The following DCBLD2 variants were observed in gnomAD, a reference collection of about 807,000 sequenced individuals.
DCBLD2 encodes discoidin, CUB and LCCL domain containing 2.
A neutral mutation model predicts 86.8 loss-of-function variants in DCBLD2; 54 were observed. That is an observed-to-expected ratio of 0.62 (90% CI 0.50 to 0.78). DCBLD2 has a LOEUF of 0.78. DCBLD2 is among the 30% of genes least tolerant of loss of function. DCBLD2 has a pLI of 0.00. For synonymous variants in DCBLD2, 354 were observed against 341.3 expected, an observed-to-expected ratio of 1.04 and a Z score of -0.41; for missense variants, 908 against 954.2, an observed-to-expected ratio of 0.95 and a Z score of 0.64.
At chr3:98,799,899 T>C in intron 15 of DCBLD2, 58 bp from the exon 16 acceptor site, 1 of 1,415,118 alleles carries the variant, frequency 7.1e-7, no homozygotes, top group Non-Finnish European at 9.5e-7. Flanking sequence ...ATTGCATAAT[T>C]TAGGGTGGCA....
At chr3:98,899,449 A>G (rs1943810732) in intron 1 of DCBLD2, among the ~76,000 whole-genome samples, 2 of 151,814 alleles carry the variant, frequency 1.3e-5, no homozygotes, top group South Asian at 4.2e-4. Context: ...ACGGGGTTTC[A>G]CCATGTTGGT....
chr3:98,799,424 AC>A lies in DCBLD2; in HGVS notation c.2275del (p.Val759TyrfsTer29), dbSNP rs1175978321. 1.2e-6 allele frequency: 2 copies of A among 1,613,876 alleles called. No homozygotes were observed. The highest frequency in any genetic ancestry group is 1.7e-6 in the Non-Finnish European group (2 of 1,179,850). ...TTCCCCATCCCTTCCTGCTCCTGAT[AC>A]TTCTTGTGTGCTCTGTGGCACCTGG... The part of the protein sequence containing the change: ...VYQVPQSTQE[V>X]SGAGRDGECD... On this transcript the variant is annotated frameshift_variant, in exon 16 of 16. Transcript: ENST00000326840. LOFTEE classifies it high-confidence loss of function.
chr3:98,847,566 A>G (rs1321402683), intron 3 of DCBLD2, among the ~76,000 whole-genome samples: 1 of 152,158 alleles, frequency 6.6e-6, no homozygotes, highest in Non-Finnish European at 1.5e-5. Flanking sequence ...ATCACTTTCT[A>G]TATGAAACTT....
intron 2 of DCBLD2, among the ~76,000 whole-genome samples, chr3:98,862,618 C>A (rs1251238790): frequency 6.6e-6 from 1 of 152,156 alleles, no homozygotes; most frequent in African/African-American, 2.4e-5. Context: ...CATACAAAAA[C>A]CACATTGATT....
At chr3:98,849,395 A>G in intron 3 of DCBLD2, 66 bp downstream of exon 3, 1 of 1,603,212 alleles carries the variant, frequency 6.2e-7, no homozygotes, top group Non-Finnish European at 8.5e-7. Flanking sequence ...GTACTTAAAA[A>G]AAGCATTTTA....
intron 3 of DCBLD2, among the ~76,000 whole-genome samples, chr3:98,847,440 C>G (rs1383049146): frequency 6.6e-6 from 1 of 152,170 alleles, no homozygotes; most frequent in Non-Finnish European, 1.5e-5. Flanking sequence ...TTATTTCATC[C>G]AAATGAATTT....
At chr3:98,803,353 A>G (rs900587153) in intron 13 of DCBLD2, among the ~76,000 whole-genome samples, 5 of 151,726 alleles carry the variant, frequency 3.3e-5, no homozygotes, top group Non-Finnish European at 5.9e-5. Context: ...TCTGTCTGTT[A>G]TTGGTGTATA....
intron 3 of DCBLD2, 113 bp from the exon 4 acceptor site, chr3:98,825,479 T>C (rs115286465): frequency 1.3e-6 from 1 of 765,568 alleles, no homozygotes; most frequent in Admixed American, 3.8e-5. Flanking sequence ...AAAATCTCAA[T>C]GGCACTGTCA....
chr3:98,811,290 G>A lies in DCBLD2; in HGVS notation c.1480C>T (p.Gln494Ter). The change falls in exon 12 of 16, where the codon CAA becomes TAA. Residue 494 changes from glutamine (Q) to a stop codon, truncating the protein, a stop_gained. Transcript: ENST00000326840. LOFTEE classifies it high-confidence loss of function. ...GRAPKFTQPLQPRSSNEFPAQ... is the reference protein window; with the variant it reads ...GRAPKFTQPL Reference sequence around the variant, plus strand: ...GGAAATTCATTGCTACTGCGAGGTTGTAGTGGTTGCGTAAATTTTGGGGCA... The same window carrying A: ...GGAAATTCATTGCTACTGCGAGGTTATAGTGGTTGCGTAAATTTTGGGGCA... The A allele has an allele frequency of 6.2e-7, 1 of 1,612,564 alleles. No individual in the cohort carries two copies. Among genetic ancestry groups the A allele is most frequent in the Non-Finnish European group, 8.5e-7 (1 of 1,179,388 alleles).
chr3:98,865,702 TTC>T (rs777195112), intron 2 of DCBLD2, among the ~76,000 whole-genome samples: 38 of 151,216 alleles, frequency 2.5e-4, no homozygotes, highest in African/African-American at 5.1e-4. Flanking sequence ...ATATACAATT[TTC>T]TTTTTTTATA....
chr3:98,901,405 G>C lies in DCBLD2; in HGVS notation c.-79C>G, dbSNP rs949097769. On this transcript the variant is annotated 5_prime_UTR_variant, in exon 1 of 16. Transcript: ENST00000326840. ...GCCTCTGGCCGCGGCACCCGACCAG[G>C]AGACGGCGGCAGCGGCGGGAGAACA... 24 of 1,243,992 alleles carry C rather than the reference G, an allele frequency of 1.9e-5. No individual in the cohort carries two copies. In the African/African-American group the frequency reaches 3.3e-4, roughly 17 times the overall value. The allele number at this position is 1,243,992 out of a possible 1,614,324, so 77.1% of individuals were successfully genotyped here. A position where few individuals can be genotyped will look rare whatever the true frequency, so the allele number is the denominator to read the frequency against.
intron 13 of DCBLD2, among the ~76,000 whole-genome samples, chr3:98,804,123 A>T (rs1353291083): frequency 2.0e-5 from 3 of 152,220 alleles, no homozygotes; most frequent in Non-Finnish European, 4.4e-5. Flanking sequence ...AAAGAATGGT[A>T]CCAGCTCCTC....
intron 2 of DCBLD2, among the ~76,000 whole-genome samples, chr3:98,856,955 T>C (rs1296311732): frequency 6.6e-6 from 1 of 152,210 alleles, no homozygotes; most frequent in African/African-American, 2.4e-5. Flanking sequence ...TATAAGTGTG[T>C]CCAGAATTGG....
At chr3:98,813,977 T>C (rs1941982639) in intron 9 of DCBLD2, 2 of 152,212 alleles carry the variant, frequency 1.3e-5, no homozygotes, top group Non-Finnish European at 2.9e-5. Flanking sequence ...GAGCCCTGTT[T>C]GTTCTCTAGG....
intron 13 of DCBLD2, among the ~76,000 whole-genome samples, chr3:98,807,188 G>T (rs964774488): frequency 6.6e-6 from 1 of 152,110 alleles, no homozygotes; most frequent in African/African-American, 2.4e-5. Context: ...GCGTACATGC[G>T]ATGACTCACT....
intron 2 of DCBLD2, among the ~76,000 whole-genome samples, chr3:98,869,800 G>A (rs555466366): frequency 1.3e-5 from 2 of 152,236 alleles, no homozygotes; most frequent in South Asian, 4.2e-4. Flanking sequence ...CTAATCCTTG[G>A]CCAACAACTT....
At chr3:98,836,550 C>T (rs1321539862) in intron 3 of DCBLD2, among the ~76,000 whole-genome samples, 2 of 151,546 alleles carry the variant, frequency 1.3e-5, no homozygotes, top group Non-Finnish European at 2.9e-5. Context: ...ACCTTTCCCG[C>T]CTTTCTATTC....
chr3:98,874,428 G>A lies in DCBLD2; in HGVS notation c.433+7112C>T, dbSNP rs187429409. 4.4e-4 allele frequency among the ~76,000 whole-genome samples: 67 copies of A among 152,106 alleles called. No homozygotes were observed. In the East Asian group the frequency reaches 0.012, roughly 27 times the overall value. On this transcript the variant is annotated intron_variant, in intron 2 of 15. Coordinates refer to ENST00000326840, the MANE Select transcript of DCBLD2 (RefSeq NM_080927.4). ...ACAATGCACAGTTATTTCAATATTA[G>A]GGAACCCATTAATATAATACACTAT... is the stretch of plus-strand genomic sequence containing the variant.
chr3:98,856,055 G>A (rs1942925881), intron 2 of DCBLD2, among the ~76,000 whole-genome samples: 1 of 152,174 alleles, frequency 6.6e-6, no homozygotes, highest in Admixed American at 6.5e-5. Context: ...CAGATGTGGT[G>A]CCAAGCATCA....
Sources: allele counts gnomAD v4.1 joint callset (sites outside exome capture counted in the v4.1 genomes callset), GRCh38; gene constraint gnomAD v4.1.1; transcripts MANE v1.5; gene names NCBI Gene and HGNC (gene_info 2026-07-23, HGNC 2026-07-21).